CDKAL1: variants seen among roughly 807,000 people sequenced by gnomAD.
The protein encoded by CDKAL1 is CDKAL1 threonylcarbamoyladenosine tRNA methylthiotransferase, also known as threonylcarbamoyladenosine tRNA methylthiotransferase.
In CDKAL1, 32 loss-of-function variants were observed where a neutral mutation model predicts 68.2. That is an observed-to-expected ratio of 0.47 (90% CI 0.35 to 0.63). The LOEUF is 0.63. Ranked by LOEUF, CDKAL1 falls within the 30% of genes least tolerant of loss-of-function variation. The pLI is 0.00. For synonymous variants in CDKAL1, 234 were observed against 244.3 expected (o/e 0.96, Z 0.39); for missense variants, 606 against 696.7 (o/e 0.87, Z 1.47).
intron 4 of CDKAL1, among the ~76,000 whole-genome samples, chr6:20,626,068 T>C (rs1767418953): frequency 1.3e-5 from 2 of 152,200 alleles, no homozygotes; most frequent in African/African-American, 4.8e-5. Flanking sequence ...CCCCTACTTC[T>C]TTTATTTTGT....
At chr6:20,799,616 C>T (rs1233448907) in intron 8 of CDKAL1, 1 of 152,112 alleles carries the variant, frequency 6.6e-6, no homozygotes, top group Non-Finnish European at 1.5e-5. Context: ...TTTGGCAATT[C>T]CTGCCAGTCT....
At chr6:20,571,591 T>C (rs1014121658) in intron 4 of CDKAL1, among the ~76,000 whole-genome samples, 2 of 152,132 alleles carry the variant, frequency 1.3e-5, no homozygotes, top group Non-Finnish European at 1.5e-5. Flanking sequence ...AGTTTATATA[T>C]ATTAAAAATG....
chr6:20,683,870 A>G (rs1770495711), intron 5 of CDKAL1, among the ~76,000 whole-genome samples: 2 of 152,188 alleles, frequency 1.3e-5, no homozygotes, highest in Non-Finnish European at 2.9e-5. Flanking sequence ...TGCCCTGCTT[A>G]TTCATCCCAA....
intron 9 of CDKAL1, among the ~76,000 whole-genome samples, chr6:20,891,353 C>T (rs896118807): frequency 3.3e-5 from 5 of 152,024 alleles, no homozygotes; most frequent in African/African-American, 1.2e-4. Flanking sequence ...CATTTGTTAG[C>T]GGCAGGAAGG....
intron 11 of CDKAL1, among the ~76,000 whole-genome samples, chr6:21,016,976 C>G (rs1457973090): frequency 6.6e-6 from 1 of 152,158 alleles, no homozygotes. Context: ...CGTTGTATTT[C>G]TTTGATCAAA....
At chr6:21,166,858 A>T (rs1301937238) in intron 13 of CDKAL1, among the ~76,000 whole-genome samples, 3 of 152,204 alleles carry the variant, frequency 2.0e-5, no homozygotes, top group Non-Finnish European at 4.4e-5. Context: ...TCCTATTCAT[A>T]TCTACATCAG....
At chr6:21,028,247 AT>A (rs1769072610) in intron 11 of CDKAL1, among the ~76,000 whole-genome samples, 1 of 152,144 alleles carries the variant, frequency 6.6e-6, no homozygotes, top group Admixed American at 6.6e-5. Flanking sequence ...AATAGTTAAC[AT>A]TTAAGGGTTT....
intron 4 of CDKAL1, among the ~76,000 whole-genome samples, chr6:20,641,235 T>C (rs1768158905): frequency 6.6e-6 from 1 of 152,156 alleles, no homozygotes; most frequent in East Asian, 1.9e-4. Context: ...AGGAAGCTAT[T>C]GATTCCAAGC....
intron 5 of CDKAL1, among the ~76,000 whole-genome samples, chr6:20,665,861 A>T (rs1181902571): frequency 6.6e-6 from 1 of 152,092 alleles, no homozygotes; most frequent in Non-Finnish European, 1.5e-5. Flanking sequence ...GAACTCATGC[A>T]GGTCGTGTGG....
At chr6:20,992,680 T>C (rs1447465174) in intron 10 of CDKAL1, among the ~76,000 whole-genome samples, 1 of 152,012 alleles carries the variant, frequency 6.6e-6, no homozygotes, top group Non-Finnish European at 1.5e-5. Context: ...GGAGGATCAT[T>C]TGAGTGCAGG....
intron 6 of CDKAL1, among the ~76,000 whole-genome samples, chr6:20,754,898 T>C (rs1345991162): frequency 6.6e-6 from 1 of 152,216 alleles, no homozygotes; most frequent in East Asian, 1.9e-4. Flanking sequence ...TATAGATTTA[T>C]GGCTGTGTTT....
Position 20,846,147 on chromosome 6 carries a change from A to G in CDKAL1, c.711A>G (p.Glu237=). 6.2e-7 allele frequency: 1 copy of G among 1,611,672 alleles called. No individual in the cohort carries two copies. The highest frequency in any genetic ancestry group is 8.5e-7 in the Non-Finnish European group (1 of 1,178,050). The part of the protein sequence containing the change: ...RGNLASYPID[E]LVDRAKQSFQ... ...ATTTGGCCAGTTATCCAATTGATGAACTAGTAGATAGAGCCAAACAATCTT... is the reference window on the plus strand; with the variant it reads ...ATTTGGCCAGTTATCCAATTGATGAGCTAGTAGATAGAGCCAAACAATCTT... The change falls in exon 9 of 16, where the codon GAA becomes GAG. Residue 237 remains glutamate (E), a synonymous_variant. Transcript: ENST00000274695.
At chr6:20,969,057 T>C (rs775193912) in intron 10 of CDKAL1, among the ~76,000 whole-genome samples, 1 of 152,122 alleles carries the variant, frequency 6.6e-6, no homozygotes, top group African/African-American at 2.4e-5. Context: ...GGAAATCGGA[T>C]TCTTCTCACT....
intron 5 of CDKAL1, among the ~76,000 whole-genome samples, chr6:20,667,181 T>A (rs948029914): frequency 3.3e-5 from 5 of 152,214 alleles, no homozygotes; most frequent in Non-Finnish European, 5.9e-5. Flanking sequence ...GCCAGCCATT[T>A]TTATGTGATA....
At chr6:21,125,174 G>T (rs1255128782) in intron 13 of CDKAL1, among the ~76,000 whole-genome samples, 1 of 152,078 alleles carries the variant, frequency 6.6e-6, no homozygotes, top group African/African-American at 2.4e-5. Context: ...TTGAATCATG[G>T]GGGCAATTTC....
Position 20,985,035 on chromosome 6 carries a change from A to T in CDKAL1, c.910-15192A>T, listed in dbSNP as rs561840985. Among the ~76,000 whole-genome samples the T allele has an allele frequency of 4.6e-5, 7 of 152,300 alleles. No homozygotes were observed. The South Asian group carries it at 1.5e-3, about 32-fold the overall frequency. On this transcript the variant is annotated intron_variant, in intron 10 of 15. Transcript: ENST00000274695. Reference sequence around the variant, plus strand: ...TTGGAATGGGCTAGGGAGCCTTATTAGTTCCTCTGTAATCATTCCAATTAA... The same window carrying T: ...TTGGAATGGGCTAGGGAGCCTTATTTGTTCCTCTGTAATCATTCCAATTAA...
chr6:20,918,104 C>G (rs1486948364), intron 9 of CDKAL1, among the ~76,000 whole-genome samples: 1 of 152,168 alleles, frequency 6.6e-6, no homozygotes, highest in Admixed American at 6.6e-5. Context: ...GCCCAAGACT[C>G]TGTTTCGGGG....
At chr6:21,014,275 G>A (rs1355935752) in intron 11 of CDKAL1, among the ~76,000 whole-genome samples, 1 of 151,946 alleles carries the variant, frequency 6.6e-6, no homozygotes, top group Non-Finnish European at 1.5e-5. Flanking sequence ...GATATAAAGG[G>A]GCCACTGAAA....
chr6:20,653,540 C>T (rs1002447996), intron 5 of CDKAL1, among the ~76,000 whole-genome samples: 1 of 152,106 alleles, frequency 6.6e-6, no homozygotes, highest in Non-Finnish European at 1.5e-5. Context: ...CAACCTCTGC[C>T]TCTCGTGTTC....
Sources: gnomAD v4.1 joint callset for allele counts (sites outside exome capture counted in the v4.1 genomes callset) on GRCh38, gnomAD v4.1.1 for gene constraint, MANE v1.5 for transcripts, NCBI Gene and HGNC (gene_info 2026-07-23, HGNC 2026-07-21) for gene names.